The following CNIH3 variants were observed in gnomAD, a reference collection of about 807,000 sequenced individuals.
CNIH3 encodes the protein cornichon family AMPA receptor auxiliary protein 3.
A neutral mutation model predicts 24.1 loss-of-function variants in CNIH3; 14 were observed. The observed-to-expected ratio is 0.58, with a 90% CI of 0.38 to 0.91. CNIH3 has a LOEUF of 0.91. Among genes scored for constraint, CNIH3 ranks in the 40% least tolerant of loss-of-function variants. CNIH3 has a pLI of 0.00. For synonymous variants in CNIH3, 68 were observed against 73.8 expected (o/e 0.92, Z 0.40); for missense variants, 178 against 196.8 (o/e 0.90, Z 0.57).
intron 2 of CNIH3, among the ~76,000 whole-genome samples, chr1:224,528,391 G>T (rs1678928614): frequency 6.6e-6 from 1 of 152,092 alleles, no homozygotes; most frequent in Admixed American, 6.5e-5. Context: ...TGTGATCATG[G>T]CTCACTGTAG....
intron 3 of CNIH3, among the ~76,000 whole-genome samples, chr1:224,707,787 C>T (rs1422663195): frequency 6.6e-6 from 1 of 152,230 alleles, no homozygotes; most frequent in Non-Finnish European, 1.5e-5. Context: ...GCTGTACCCG[C>T]TTTTCAGCAC....
At chr1:224,605,247 G>A (rs4654054) in intron 3 of CNIH3, among the ~76,000 whole-genome samples, 16,424 of 152,160 alleles carry the variant, frequency 0.11, 992 homozygotes, top group South Asian at 0.24. Flanking sequence ...CTTGGAGGTG[G>A]GGTTTCACCA....
chr1:224,450,288 A>C lies in CNIH3; in HGVS notation n.203+15426A>C, dbSNP rs182708842. On this transcript the variant is annotated intron_variant and non_coding_transcript_variant, in intron 1 of 5. Transcript: ENST00000471578. ...AAATAAATAAACAGGAAATGCATCAAAAAGAAAGAAACAGGAAATGTATCA... is the reference window on the plus strand; with the variant it reads ...AAATAAATAAACAGGAAATGCATCACAAAGAAAGAAACAGGAAATGTATCA... Among the ~76,000 whole-genome samples, 364 of 152,312 alleles carry C rather than the reference A, an allele frequency of 2.4e-3. 1 individual carries two copies. The highest frequency in any genetic ancestry group is 8.3e-3 in the African/African-American group (344 of 41,552).
At chr1:224,620,972 G>A (rs1043839561) in intron 1 of CNIH3, among the ~76,000 whole-genome samples, 2 of 152,186 alleles carry the variant, frequency 1.3e-5, no homozygotes, top group Non-Finnish European at 2.9e-5. Flanking sequence ...GCTCCGGCTC[G>A]GTTAAGCCTG....
chr1:224,676,939 A>C (rs890151786), intron 1 of CNIH3, among the ~76,000 whole-genome samples: 2 of 152,188 alleles, frequency 1.3e-5, no homozygotes, highest in Non-Finnish European at 2.9e-5. Context: ...ACAGCTGTTC[A>C]TTCTTCTGAA....
At chr1:224,478,867 G>A (rs1676689208) in intron 1 of CNIH3, among the ~76,000 whole-genome samples, 1 of 152,132 alleles carries the variant, frequency 6.6e-6, no homozygotes, top group Non-Finnish European at 1.5e-5. Flanking sequence ...CATCTTATGT[G>A]GATGGTGGCA....
intron 1 of CNIH3, among the ~76,000 whole-genome samples, chr1:224,675,685 A>G (rs1241210179): frequency 6.6e-6 from 1 of 152,360 alleles, no homozygotes; most frequent in African/African-American, 2.4e-5. Flanking sequence ...CATTTCATCA[A>G]AAAAGATGTA....
At chr1:224,574,937 G>T in intron 4 of CNIH3, 2 of 941,580 alleles carry the variant, frequency 2.1e-6, no homozygotes, top group South Asian at 1.3e-5. Context: ...ACCATCTCCA[G>T]GTTGAGAGGA....
At chr1:224,520,756 G>C (rs1330753555) in intron 1 of CNIH3, among the ~76,000 whole-genome samples, 2 of 152,206 alleles carry the variant, frequency 1.3e-5, no homozygotes, top group Non-Finnish European at 2.9e-5. Context: ...CTGAACTCCT[G>C]CTTATTCCTT....
chr1:224,615,857 A>T (rs1317272385), upstream of CNIH3: 1 of 152,340 alleles, frequency 6.6e-6, no homozygotes, highest in Non-Finnish European at 1.5e-5. Flanking sequence ...AATCCATCCA[A>T]GCAGCTTTGG....
chr1:224,580,087 C>T (rs1041698112), intron 4 of CNIH3, among the ~76,000 whole-genome samples: 1 of 152,130 alleles, frequency 6.6e-6, no homozygotes, highest in Non-Finnish European at 1.5e-5. Flanking sequence ...TGCCTAGAAT[C>T]CTGACATTTT....
At chr1:224,501,737 C>T (rs1241947238) in intron 1 of CNIH3, among the ~76,000 whole-genome samples, 6 of 151,872 alleles carry the variant, frequency 4.0e-5, no homozygotes, top group African/African-American at 1.2e-4. Context: ...CGTGCCACCA[C>T]GCCCAGCTAA....
chr1:224,709,536 G>A (rs1209261703), intron 3 of CNIH3, among the ~76,000 whole-genome samples: 1 of 152,188 alleles, frequency 6.6e-6, no homozygotes, highest in Non-Finnish European at 1.5e-5. Flanking sequence ...TTGAAGAGGG[G>A]TGGGCTGGCT....
chr1:224,478,084 T>C (rs1436087739), intron 1 of CNIH3, among the ~76,000 whole-genome samples: 1 of 152,212 alleles, frequency 6.6e-6, no homozygotes, highest in Non-Finnish European at 1.5e-5. Flanking sequence ...GCTTTTAGAA[T>C]CCTTTCTTTT....
chr1:224,471,439 C>T (rs547816063), intron 1 of CNIH3, among the ~76,000 whole-genome samples: 15 of 152,260 alleles, frequency 9.9e-5, no homozygotes, highest in East Asian at 3.9e-4. Context: ...CATCATTGTA[C>T]GCTCTATCTC....
At chr1:224,567,172 A>G (rs1489061688) in intron 4 of CNIH3, among the ~76,000 whole-genome samples, 1 of 152,186 alleles carries the variant, frequency 6.6e-6, no homozygotes, top group Admixed American at 6.5e-5. Context: ...TCTTCTTTTG[A>G]GAAGTGCCTG....
intron 3 of CNIH3, among the ~76,000 whole-genome samples, chr1:224,709,805 C>T (rs1276993833): frequency 6.6e-6 from 1 of 152,082 alleles, no homozygotes; most frequent in Non-Finnish European, 1.5e-5. Flanking sequence ...TTCAACCTGC[C>T]ATCTACTCAT....
At chr1:224,589,676 GA>G (rs1186819235), downstream of CNIH3, among the ~76,000 whole-genome samples, 1 of 152,190 alleles carries the variant, frequency 6.6e-6, no homozygotes, top group African/African-American at 2.4e-5. Flanking sequence ...CAGCCCCAGG[GA>G]AAGGACTTCT....
In CNIH3 at chr1:224,628,880, G is replaced by A. The variant is rs1683674735; in HGVS notation, c.81+11625G>A. ...GCAATATTTACAGTCTGTTCTCTCTGAAGCCTGCTACCTGTCAATCAGAAA... is the reference window on the plus strand; with the variant it reads ...GCAATATTTACAGTCTGTTCTCTCTAAAGCCTGCTACCTGTCAATCAGAAA... On this transcript the variant is annotated intron_variant, in intron 1 of 5. Transcript: ENST00000272133. Among the ~76,000 whole-genome samples the A allele has an allele frequency of 2.0e-5, 3 of 152,002 alleles. No individual in the cohort carries two copies. The South Asian group carries it at 6.2e-4, about 32-fold the overall frequency.
Sources: allele counts gnomAD v4.1 joint callset (sites outside exome capture counted in the v4.1 genomes callset), GRCh38; gene constraint gnomAD v4.1.1; transcripts MANE v1.5; gene names NCBI Gene and HGNC (gene_info 2026-07-23, HGNC 2026-07-21).